The following MSRA variants were observed in gnomAD, a reference collection of about 807,000 sequenced individuals.
The protein encoded by MSRA is methionine sulfoxide reductase A.
A neutral mutation model predicts 31.3 loss-of-function variants in MSRA; 54 were observed. That is an observed-to-expected ratio of 1.73 (90% CI 1.39 to 2.17). The LOEUF (loss-of-function observed/expected upper bound fraction) is 2.17. MSRA is among the 30% of genes most tolerant of loss of function. The pLI, the probability that MSRA is intolerant of heterozygous loss-of-function variation, is 0.00. For missense variants in MSRA, 507 were observed against 300.9 expected (o/e 1.69, Z -5.07); for synonymous variants, 169 against 116.5 (o/e 1.45, Z -2.90).
intron 5 of MSRA, among the ~76,000 whole-genome samples, chr8:10,371,881 C>A (rs1407527788): frequency 6.6e-6 from 1 of 152,132 alleles, no homozygotes; most frequent in Non-Finnish European, 1.5e-5. Context: ...AAGGTTTGCC[C>A]AAGTTTGGTT....
intron 1 of MSRA, among the ~76,000 whole-genome samples, chr8:10,080,109 C>G (rs117507987): frequency 0.021 from 3,226 of 152,232 alleles, 112 homozygotes; most frequent in South Asian, 0.11. Context: ...ATCTTTTTCT[C>G]TGTTCTTTTT....
intron 5 of MSRA, among the ~76,000 whole-genome samples, chr8:10,375,555 C>G (rs1315342767): frequency 6.6e-6 from 1 of 152,210 alleles, no homozygotes; most frequent in East Asian, 1.9e-4. Context: ...CAATAGCTAT[C>G]AACCTGTCAA....
At chr8:10,133,664 G>T (rs1802062260) in intron 1 of MSRA, among the ~76,000 whole-genome samples, 1 of 152,182 alleles carries the variant, frequency 6.6e-6, no homozygotes. Flanking sequence ...TAGGCTTAAA[G>T]GACGAGACAG....
intron 1 of MSRA, among the ~76,000 whole-genome samples, chr8:10,078,209 C>T (rs1192328534): frequency 1.3e-5 from 2 of 152,322 alleles, no homozygotes; most frequent in Admixed American, 1.3e-4. Flanking sequence ...ATTTCCTTTT[C>T]TGCTTTTTCT....
chr8:10,254,830 G>A (rs1798093448), intron 3 of MSRA, among the ~76,000 whole-genome samples: 1 of 152,224 alleles, frequency 6.6e-6, no homozygotes, highest in African/African-American at 2.4e-5. Context: ...CTATGCTAGA[G>A]CTGTGCCAAA....
intron 1 of MSRA, among the ~76,000 whole-genome samples, chr8:10,191,480 A>T (rs887683883): frequency 1.3e-5 from 2 of 152,250 alleles, no homozygotes; most frequent in Non-Finnish European, 2.9e-5. Flanking sequence ...AGCAAGTAGC[A>T]ATCCCCTGGA....
intron 3 of MSRA, among the ~76,000 whole-genome samples, chr8:10,250,112 C>G (rs926058270): frequency 6.6e-6 from 1 of 152,122 alleles, no homozygotes; most frequent in Admixed American, 6.6e-5. Flanking sequence ...TCTCTTTACA[C>G]ATGCACACAC....
chr8:10,329,434 G>A (rs534550381), intron 5 of MSRA, among the ~76,000 whole-genome samples: 7 of 152,266 alleles, frequency 4.6e-5, no homozygotes, highest in Admixed American at 2.6e-4. Context: ...ATCTGATCTC[G>A]TCCTGCATCT....
At chr8:10,345,063 C>T (rs1803685021) in intron 5 of MSRA, among the ~76,000 whole-genome samples, 1 of 152,006 alleles carries the variant, frequency 6.6e-6, no homozygotes, top group Non-Finnish European at 1.5e-5. Context: ...CATGGTCTTT[C>T]CCCCTCAAGG....
chr8:10,054,421 GGTTCCGGCCGCGGACCCCACTCTCTGCC>G lies in MSRA; in HGVS notation c.-87_-60del. On this transcript the variant is annotated 5_prime_UTR_variant, in exon 1 of 6. Transcript: ENST00000317173. ...CCCGCCCGCGCCCCTGCCGCCCCCC[GGTTCCGGCCGCGGACCCCACTCTCTGCC>G]GTTCCGGCTGCGGCTCCGCTGCCGG... 1 of 204,764 alleles carries G rather than the reference GGTTCCGGCCGCGGACCCCACTCTCTGCC, an allele frequency of 4.9e-6. No individual in the cohort carries two copies. 12.7% of individuals were successfully genotyped at this position (204,764 alleles called of 1,614,324 possible). A position where few individuals can be genotyped will look rare whatever the true frequency, so the allele number is the denominator to read the frequency against.
chr8:10,061,529 G>T (rs761652255), intron 1 of MSRA, among the ~76,000 whole-genome samples: 1 of 151,948 alleles, frequency 6.6e-6, no homozygotes, highest in African/African-American at 2.4e-5. Context: ...CACGGAACTC[G>T]CACAATCTGT....
chr8:10,387,112 C>G (rs996071857), intron 5 of MSRA, among the ~76,000 whole-genome samples: 5 of 152,172 alleles, frequency 3.3e-5, no homozygotes, highest in African/African-American at 4.8e-5. Context: ...TGCCTGCTGC[C>G]TGCACGGCTC....
chr8:10,155,763 C>G (rs1740754614), intron 1 of MSRA, among the ~76,000 whole-genome samples: 1 of 151,892 alleles, frequency 6.6e-6, no homozygotes, highest in Non-Finnish European at 1.5e-5. Context: ...TTAAAAAAAC[C>G]CATATGAGTC....
chr8:10,279,009 C>T (rs1030440647), intron 3 of MSRA, among the ~76,000 whole-genome samples: 2 of 152,056 alleles, frequency 1.3e-5, no homozygotes, highest in Admixed American at 6.5e-5. Context: ...AAAAAAATTG[C>T]CCCGTGATGG....
At chr8:10,139,602 A>G (rs1230646526) in intron 1 of MSRA, among the ~76,000 whole-genome samples, 1 of 152,204 alleles carries the variant, frequency 6.6e-6, no homozygotes, top group East Asian at 1.9e-4. Context: ...TGCCACTTAC[A>G]TGTGAGAACA....
rs138480150 is a variant in MSRA at position 10,319,755 on chromosome 8, G to A, written c.437-128G>A. ...TGCTGTAAACAGAAAATTAAAACAA[G>A]CACTTAGCAACACATCAGGCACAGG... On this transcript the variant is annotated intron_variant, in intron 4 of 5. Transcript: ENST00000317173. The A allele has an allele frequency of 2.7e-4, 122 of 451,406 alleles. No homozygotes were observed. The East Asian group carries it at 3.8e-3, about 14-fold the overall frequency. The allele number at this position is 451,406 out of a possible 1,614,324, so 28.0% of individuals were successfully genotyped here. A position where few individuals can be genotyped will look rare whatever the true frequency, so the allele number is the denominator to read the frequency against.
chr8:10,178,570 T>C (rs1249962884), intron 1 of MSRA, among the ~76,000 whole-genome samples: 1 of 152,220 alleles, frequency 6.6e-6, no homozygotes, highest in Non-Finnish European at 1.5e-5. Flanking sequence ...GAAGATATAA[T>C]AGACATATTT....
At chr8:10,241,541 T>C (rs1349818071) in intron 2 of MSRA, among the ~76,000 whole-genome samples, 2 of 152,220 alleles carry the variant, frequency 1.3e-5, no homozygotes, top group African/African-American at 2.4e-5. Context: ...CCCTGTCCCA[T>C]GTGAATTGTA....
chr8:10,248,151 G>A (rs4563888), intron 3 of MSRA, among the ~76,000 whole-genome samples: 39,436 of 152,114 alleles, frequency 0.26, 5,258 homozygotes, highest in Admixed American at 0.35. Context: ...GAGGTCCATT[G>A]TGGGAGAAAT....
Sources: gnomAD v4.1 joint callset for allele counts (sites outside exome capture counted in the v4.1 genomes callset) on GRCh38, gnomAD v4.1.1 for gene constraint, MANE v1.5 for transcripts, NCBI Gene and HGNC (gene_info 2026-07-23, HGNC 2026-07-21) for gene names.